NLRP12: variants seen among roughly 807,000 people sequenced by gnomAD.
NLRP12 encodes NLR family pyrin domain containing 12.
NLRP12 carries 108 observed loss-of-function variants against 91.2 expected under a neutral mutation model. The ratio of observed to expected loss-of-function variants is 1.18; its 90% confidence interval spans 1.01 to 1.39. NLRP12 has a LOEUF of 1.39. NLRP12 is among the 40% of genes most tolerant of loss of function. NLRP12 has a pLI of 0.00. For synonymous variants in NLRP12, 613 were observed against 566.7 expected (o/e 1.08, Z -1.16); for missense variants, 1,530 against 1,352.7 (o/e 1.13, Z -2.06).
intron 8 of NLRP12, among the ~76,000 whole-genome samples, chr19:53,796,345 G>C (rs554305988): frequency 6.6e-6 from 1 of 151,518 alleles, no homozygotes; most frequent in Non-Finnish European, 1.5e-5. Context: ...TCTGCCTCCC[G>C]GGTTCAAGTG....
rs369508681 is a variant in NLRP12, at chr19:53,814,967, G to C, written c.311C>G (p.Ser104Cys). ...LVRDTPPGGP[S>C]SLGNQSTCLL... The stretch of plus-strand genomic sequence containing the variant: ...GCATGTTGACTGGTTCCCAAGTGAG[G>C]ACGGGCCACCAGGTGGGGTATCTGG... Residue 104 changes from serine (S) to cysteine (C), a missense_variant, in exon 2 of 10, where the codon TCC becomes TGC. Coordinates refer to ENST00000324134, the MANE Select transcript of NLRP12 (RefSeq NM_144687.4). 62 of 1,613,892 alleles carry C rather than the reference G, an allele frequency of 3.8e-5. No individual in the cohort carries two copies. The highest frequency in any genetic ancestry group is 5.1e-5 in the Non-Finnish European group (60 of 1,179,946).
chr19:53,816,292 A>G (rs890238330), intron 1 of NLRP12, among the ~76,000 whole-genome samples: 1 of 152,068 alleles, frequency 6.6e-6, no homozygotes, highest in Non-Finnish European at 1.5e-5. Context: ...GCTGGTTGCT[A>G]GTCCATGAAA....
At chr19:53,805,923 T>C (rs1489479956) in intron 4 of NLRP12, 1 of 208,082 alleles carries the variant, frequency 4.8e-6, no homozygotes, top group African/African-American at 2.4e-5. Context: ...TCAAATACAT[T>C]CACAAAGGTT....
Position 53,809,707 on chromosome 19 carries a change from G to A in NLRP12, c.1952C>T (p.Ser651Leu), listed in dbSNP as rs781361326. ...GCTCCTGCAGCGCTTCAGACAGAAC[G>A]AGGAGACCATGTGCTCCATCTTGGA... ...IASKMEHMVS[S>L]FCLKRCRSAQ... Residue 651 changes from serine to leucine, a missense_variant, in exon 3 of 10, where the codon TCG (serine) becomes TTG (leucine). Transcript: ENST00000324134. 3 of 1,614,100 alleles carry A rather than the reference G, an allele frequency of 1.9e-6. No individual in the cohort carries two copies. The highest frequency in any genetic ancestry group is 2.5e-6 in the Non-Finnish European group (3 of 1,180,010).
chr19:53,817,595 G>A (rs1322081927), intron 1 of NLRP12, among the ~76,000 whole-genome samples: 4 of 151,514 alleles, frequency 2.6e-5, no homozygotes, highest in Admixed American at 2.6e-4. Context: ...AATTAGCTGG[G>A]CGTGGTGGCA....
chr19:53,795,788 A>T, intron 9 of NLRP12, 71 bp downstream of exon 9: 1 of 1,422,128 alleles, frequency 7.0e-7, no homozygotes, highest in Non-Finnish European at 9.9e-7. Context: ...TTGTCCATCC[A>T]GCTTATCTAC....
rs34330210 is a variant in NLRP12, at chr19:53,811,235, C to T, written c.424G>A (p.Asp142Asn). The change falls in exon 3 of 10, where the codon GAC (aspartate) becomes AAC (asparagine). Residue 142 changes from aspartate (D) to asparagine (N), a missense_variant. By Grantham distance (23) the Asp-to-Asn change is conservative (BLOSUM62 1). Coordinates refer to ENST00000324134, the MANE Select transcript of NLRP12 (RefSeq NM_144687.4). ...CATTCCCCTAGGCGCGCATTGCGGT[C>T]TTCCATGAGCCGGAATTTCCTGCGG... ...YVRRKFRLME[D>N]RNARLGECVN... 1.7e-3 allele frequency: 2,760 copies of T among 1,614,020 alleles called. 38 individuals are homozygous for T. The African/African-American group carries it at 0.029, about 17-fold the overall frequency.
intron 6 of NLRP12, 114 bp from the exon 7 acceptor site, chr19:53,801,511 G>A (rs2122567585): frequency 1.2e-5 from 17 of 1,408,224 alleles, no homozygotes; most frequent in Middle Eastern, 2.5e-4. Flanking sequence ...GAATGCAGTG[G>A]TGCAATCTCG....
At chr19:53,823,519 C>CATATTTTAAGATAT (rs1437022631) in intron 1 of NLRP12, among the ~76,000 whole-genome samples, 1 of 39,268 alleles carries the variant, frequency 2.5e-5, no homozygotes, top group Non-Finnish European at 5.5e-5. Flanking sequence ...ATATTTAAAA[C>CATATTTTAAGATAT]ATATATTTTA....
chr19:53,798,730 C>T (rs564001632), intron 7 of NLRP12, among the ~76,000 whole-genome samples: 2 of 152,094 alleles, frequency 1.3e-5, no homozygotes, highest in South Asian at 4.1e-4. Flanking sequence ...AATAACTTGT[C>T]TGTACAAAAA....
intron 1 of NLRP12, among the ~76,000 whole-genome samples, chr19:53,820,959 G>A (rs1257038007): frequency 6.6e-6 from 1 of 151,138 alleles, no homozygotes; most frequent in African/African-American, 2.4e-5. Flanking sequence ...CTTGCTACCT[G>A]CTCTGAATTG....
intron 3 of NLRP12, among the ~76,000 whole-genome samples, chr19:53,809,002 G>T (rs1210163868): frequency 6.6e-6 from 1 of 151,940 alleles, no homozygotes; most frequent in African/African-American, 2.4e-5. Flanking sequence ...AAGGTGGGTG[G>T]ATCACTTGAG....
intron 4 of NLRP12, 44 bp downstream of exon 4, chr19:53,807,451 C>G: frequency 1.9e-6 from 3 of 1,588,662 alleles, no homozygotes; most frequent in Non-Finnish European, 2.6e-6. Context: ...CATGAGAGGC[C>G]ACGGTGGGGA....
intron 9 of NLRP12, among the ~76,000 whole-genome samples, chr19:53,795,095 A>G (rs2091726202): frequency 8.3e-6 from 1 of 120,618 alleles, no homozygotes; most frequent in African/African-American, 3.4e-5. Context: ...GTGCCACCAT[A>G]CCTGGTGTGT....
chr19:53,815,225 C>CTT (rs59179749), intron 1 of NLRP12, among the ~76,000 whole-genome samples: 5,187 of 96,846 alleles, frequency 0.054, 338 homozygotes, highest in Non-Finnish European at 0.07. Flanking sequence ...TCCAATCAGT[C>CTT]TTTTTTTTTT....
At chr19:53,806,230 T>C (rs2091955730) in intron 4 of NLRP12, among the ~76,000 whole-genome samples, 1 of 151,000 alleles carries the variant, frequency 6.6e-6, no homozygotes, top group South Asian at 2.1e-4. Context: ...CAATACTATC[T>C]CAAAAAATAA....
At chr19:53,812,412 C>T (rs1186196809) in intron 2 of NLRP12, among the ~76,000 whole-genome samples, 2 of 118,532 alleles carry the variant, frequency 1.7e-5, no homozygotes, top group African/African-American at 3.1e-5. Context: ...GACTCTGCCT[C>T]AAAAAAAAAA....
At chr19:53,796,137 G>A (rs1311312326) in intron 8 of NLRP12, 108 bp from the exon 9 acceptor site, 1 of 1,059,354 alleles carries the variant, frequency 9.4e-7, no homozygotes. Flanking sequence ...TGAGATTTCT[G>A]TTCACTGCAA....
In NLRP12 at chr19:53,811,281, C is replaced by G; in HGVS notation, c.378G>C (p.Gln126His). 1 of 1,613,822 alleles carries G rather than the reference C, an allele frequency of 6.2e-7. No homozygotes were observed. The highest frequency in any genetic ancestry group is 8.5e-7 in the Non-Finnish European group (1 of 1,179,996). ...TGCGGACATAGTCCCTGTAGGTTTC[C>G]TGGGGATCTAGGGGAGAGGAATGAA... ...VSLVTPRKDP[Q>H]ETYRDYVRRK... The change falls in exon 3 of 10, where the codon CAG becomes CAC. Residue 126 changes from glutamine to histidine, a missense_variant. Physicochemically the swap from Gln to His is conservative, Grantham distance 24. Coordinates refer to ENST00000324134, the MANE Select transcript of NLRP12 (RefSeq NM_144687.4).
Sources: gnomAD v4.1 joint callset for allele counts (sites outside exome capture counted in the v4.1 genomes callset) on GRCh38, gnomAD v4.1.1 for gene constraint, MANE v1.5 for transcripts, NCBI Gene and HGNC (gene_info 2026-07-23, HGNC 2026-07-21) for gene names.